Variants in ADGRG1 observed in about 807,000 individuals in gnomAD.
The protein encoded by ADGRG1 is adhesion G protein-coupled receptor G1.
Under a neutral mutation model 73.5 loss-of-function variants are expected in ADGRG1, and 53 were observed. The observed-to-expected ratio is 0.72, with a 90% confidence interval of 0.58 to 0.91. ADGRG1 has a LOEUF of 0.91. Among genes scored for constraint, ADGRG1 ranks in the 40% least tolerant of loss-of-function variants. ADGRG1 has a pLI of 0.00. For missense variants in ADGRG1, 795 were observed against 871.8 expected (o/e 0.91, Z 1.11); for synonymous variants, 394 against 374.4 (o/e 1.05, Z -0.60).
Position 57,655,891 on chromosome 16 carries a change from C to T in ADGRG1, c.916C>T (p.Gln306Ter), listed in dbSNP as rs1020942209. The stretch of plus-strand genomic sequence containing the variant: ...ATGTATCTAGGACAAGAATTCCAGC[C>T]AAGTCCTGGGTGAGAAGGTCTTGGG... ...QALFQDKNSSQVLGEKVLGIV... is the reference protein window; with the variant it reads ...QALFQDKNSS The change falls in exon 7 of 14, where the codon CAA becomes TAA. Residue 306 changes from glutamine (Q) to a stop codon, truncating the protein, a stop_gained. Transcript: ENST00000562631. LOFTEE classifies it high-confidence loss of function. The T allele has an allele frequency of 6.2e-7, 1 of 1,614,016 alleles. No individual in the cohort carries two copies. The highest frequency in any genetic ancestry group is 1.3e-5 in the African/African-American group (1 of 74,896).
At chr16:57,632,146 C>G in intron 1 of ADGRG1, 1 of 985,456 alleles carries the variant, frequency 1.0e-6, no homozygotes, top group Non-Finnish European at 1.2e-6. Flanking sequence ...CAGTGAGCAA[C>G]CCCACATCTT....
intron 11 of ADGRG1, chr16:57,660,522 G>A: frequency 1.3e-6 from 1 of 746,282 alleles, no homozygotes; most frequent in African/African-American, 1.9e-5. Context: ...TTCTCCCAGG[G>A]GCCCCCAGGG....
At chr16:57,657,600 G>A in intron 10 of ADGRG1, 109 bp downstream of exon 10, 1 of 879,246 alleles carries the variant, frequency 1.1e-6, no homozygotes, top group Non-Finnish European at 1.9e-6. Flanking sequence ...ACCTGGAACT[G>A]TGTGTGTGGT....
intron 1 of ADGRG1, among the ~76,000 whole-genome samples, chr16:57,644,518 ACACT>A (rs1433279581): frequency 2.0e-5 from 3 of 146,590 alleles, no homozygotes; most frequent in South Asian, 2.2e-4. Flanking sequence ...ATGGGCACAC[ACACT>A]CATCACACAC....
chr16:57,631,025 G>T (rs566851585), intron 1 of ADGRG1: 61 of 985,862 alleles, frequency 6.2e-5, no homozygotes, highest in Non-Finnish European at 7.2e-5. Context: ...GGGGCTGGGG[G>T]CCCAGGCTGC....
At chr16:57,631,476 A>G (rs1183459466) in intron 1 of ADGRG1, 1 of 985,492 alleles carries the variant, frequency 1.0e-6, no homozygotes, top group Non-Finnish European at 1.2e-6. Context: ...GGGTGGAAGT[A>G]GGGAGGAGAG....
chr16:57,647,115 G>C (rs1394097821), intron 1 of ADGRG1: 2 of 985,448 alleles, frequency 2.0e-6, no homozygotes, highest in Non-Finnish European at 2.4e-6. Context: ...AGACCTGGAG[G>C]GGTGGCATAG....
chr16:57,628,345 C>G (rs2036316040), upstream of ADGRG1: 2 of 396,264 alleles, frequency 5.0e-6, no homozygotes, highest in Non-Finnish European at 6.9e-6. Flanking sequence ...CAGATGGAGG[C>G]TGAGGAAGCA....
intron 1 of ADGRG1, chr16:57,646,612 T>C: frequency 1.0e-6 from 1 of 985,196 alleles, no homozygotes; most frequent in Non-Finnish European, 1.2e-6. Context: ...CATTCTCCTC[T>C]CCTTCCCTTT....
chr16:57,636,755 A>T (rs4522409), intron 1 of ADGRG1: 1 of 942,654 alleles, frequency 1.1e-6, no homozygotes. Context: ...GGGATCTTCT[A>T]TGGACCAGGC....
chr16:57,653,919 C>A, intron 4 of ADGRG1, 67 bp from the exon 5 acceptor site: 1 of 1,609,550 alleles, frequency 6.2e-7, no homozygotes. Flanking sequence ...TCTCGTCCTC[C>A]TGCCTCAGTC....
chr16:57,632,146 C>A, intron 1 of ADGRG1: 1 of 985,456 alleles, frequency 1.0e-6, no homozygotes, highest in Non-Finnish European at 1.2e-6. Context: ...CAGTGAGCAA[C>A]CCCACATCTT....
chr16:57,622,829 C>T (rs116161262), upstream of ADGRG1: 5 of 985,402 alleles, frequency 5.1e-6, no homozygotes, highest in African/African-American at 8.7e-5. Context: ...CATGCCTTCC[C>T]CGCTGGGGAG....
At chr16:57,620,347 G>A (rs1484384027), upstream of ADGRG1, among the ~76,000 whole-genome samples, 2 of 152,216 alleles carry the variant, frequency 1.3e-5, no homozygotes, top group African/African-American at 2.4e-5. Context: ...GCACAGCATG[G>A]CCGGGCATGC....
Position 57,628,925 on chromosome 16 carries a change from TGA to T in ADGRG1, c.-36+125_-36+126del, listed in dbSNP as rs34410691. 2.9e-5 allele frequency: 22 copies of T among 754,872 alleles called. No homozygotes were observed. The African/African-American group carries it at 3.7e-4, about 13-fold the overall frequency. The allele number at this position is 754,872 out of a possible 1,614,324, so 46.8% of individuals were successfully genotyped here. A position where few individuals can be genotyped will look rare whatever the true frequency, so the allele number is the denominator to read the frequency against. ...GAGTGTGAGTGTGTGAGAGTGAGTG[TGA>T]GTGTGAGTGTGAGCGTGAGAGTGTG... is the stretch of plus-strand genomic sequence containing the variant. On this transcript the variant is annotated intron_variant, in intron 1 of 13. Coordinates refer to ENST00000562631, the MANE Select transcript of ADGRG1 (RefSeq NM_201525.4).
chr16:57,659,323 G>T, intron 10 of ADGRG1, 90 bp from the exon 11 acceptor site: 2 of 1,600,962 alleles, frequency 1.2e-6, no homozygotes, highest in Middle Eastern at 1.8e-4. Context: ...GGGGTGGGGG[G>T]CAGTCTGGGA....
Position 57,659,482 on chromosome 16 carries a change from G to C in ADGRG1, c.1356G>C (p.Thr452=), listed in dbSNP as rs151020094. The C allele has an allele frequency of 6.2e-7, 1 of 1,613,708 alleles. No individual in the cohort carries two copies. Among genetic ancestry groups the C allele is most frequent in the Non-Finnish European group, 8.5e-7 (1 of 1,179,904 alleles). The change falls in exon 11 of 14, where the codon ACG becomes ACC. Residue 452 remains threonine (T), a synonymous_variant. Transcript: ENST00000562631. The part of the protein sequence containing the change: ...NLLLAVFLLD[T]SFLLSEPVAL... ...TGCTGGCCGTCTTCCTGCTGGACACGAGCTTCCTGCTCAGCGAGCCGGTGG... is the reference window on the plus strand; with the variant it reads ...TGCTGGCCGTCTTCCTGCTGGACACCAGCTTCCTGCTCAGCGAGCCGGTGG...
Position 57,628,799 on chromosome 16 carries a change from G to T in ADGRG1, c.-39G>T. ...CCTGCGTGGGACCCTCCACCTGGCA[G>T]CAGGTACCCAAACAAGGGCTGGACA... is the stretch of plus-strand genomic sequence containing the variant. On this transcript the variant is annotated 5_prime_UTR_variant, in exon 1 of 14. Transcript: ENST00000562631. 1.0e-6 allele frequency: 1 copy of T among 985,578 alleles called. No homozygotes were observed. Among genetic ancestry groups the T allele is most frequent in the Non-Finnish European group, 1.2e-6 (1 of 830,086 alleles). 61.1% of individuals were successfully genotyped at this position (985,578 alleles called of 1,614,324 possible).
At chr16:57,635,735 A>G (rs4784834) in intron 1 of ADGRG1, 273,051 of 984,756 alleles carry the variant, frequency 0.28, 38,848 homozygotes, top group African/African-American at 0.42. Context: ...CCGACTCTCC[A>G]TGTCGTTGCC....
Sources: gnomAD v4.1 joint callset for allele counts (sites outside exome capture counted in the v4.1 genomes callset) on GRCh38, gnomAD v4.1.1 for gene constraint, MANE v1.5 for transcripts, NCBI Gene and HGNC (gene_info 2026-07-23, HGNC 2026-07-21) for gene names.